The following POLK variants were observed in gnomAD, a reference collection of about 807,000 sequenced individuals.
POLK encodes the protein DNA polymerase kappa.
Under a neutral mutation model 94.0 loss-of-function variants are expected in POLK, and 76 were observed. The observed-to-expected ratio is 0.81, with a 90% confidence interval of 0.67 to 0.98. POLK has a LOEUF of 0.98. Ranked by LOEUF, POLK falls within the 50% of genes least tolerant of loss-of-function variation. POLK has a pLI of 0.00. For missense variants in POLK, 954 were observed against 1,010.1 expected (o/e 0.94, Z 0.75); for synonymous variants, 349 against 325.4 (o/e 1.07, Z -0.78).
intron 3 of POLK, among the ~76,000 whole-genome samples, chr5:75,557,443 T>G (rs1030911720): frequency 1.3e-5 from 2 of 152,142 alleles, no homozygotes; most frequent in Non-Finnish European, 2.9e-5. Flanking sequence ...GATAATAGAG[T>G]CTTCCTGTTC....
At chr5:75,511,229 G>C, upstream of POLK, 3 of 1,611,540 alleles carry the variant, frequency 1.9e-6, no homozygotes, top group South Asian at 3.3e-5. Context: ...AACCGAGCAG[G>C]AGACCGGCCC....
At chr5:75,558,700 G>A (rs1770775648) in intron 3 of POLK, among the ~76,000 whole-genome samples, 1 of 151,676 alleles carries the variant, frequency 6.6e-6, no homozygotes, top group African/African-American at 2.4e-5. Context: ...AATAAACTTA[G>A]GCATCATTTT....
chr5:75,552,382 C>A, intron 2 of POLK, 90 bp from the exon 3 acceptor site: 1 of 1,171,270 alleles, frequency 8.5e-7, no homozygotes, highest in Non-Finnish European at 1.2e-6. Flanking sequence ...CTTCTGTTTC[C>A]TGAGTATGTG....
chr5:75,604,858 A>T (rs527529777), downstream of POLK, among the ~76,000 whole-genome samples: 1 of 152,288 alleles, frequency 6.6e-6, no homozygotes, highest in East Asian at 1.9e-4. Flanking sequence ...TGTAATACAT[A>T]ACTGAATTAA....
At chr5:75,588,953 G>C (rs1772610351) in intron 10 of POLK, among the ~76,000 whole-genome samples, 1 of 152,218 alleles carries the variant, frequency 6.6e-6, no homozygotes, top group Non-Finnish European at 1.5e-5. Flanking sequence ...TAGGTTCACA[G>C]ATTCCAGGGA....
At chr5:75,548,728 G>A (rs1770183407) in intron 2 of POLK, among the ~76,000 whole-genome samples, 1 of 151,920 alleles carries the variant, frequency 6.6e-6, no homozygotes, top group South Asian at 2.1e-4. Context: ...GTGTGTGTGT[G>A]TATGTATGTG....
downstream of POLK, among the ~76,000 whole-genome samples, chr5:75,602,752 A>G (rs1773322894): frequency 6.6e-6 from 1 of 152,220 alleles, no homozygotes. Flanking sequence ...CCTCTCTTCA[A>G]TGTAATTCAA....
chr5:75,581,635 C>A, intron 7 of POLK, 187 bp downstream of exon 7: 1 of 577,742 alleles, frequency 1.7e-6, no homozygotes, highest in Non-Finnish European at 3.0e-6. Flanking sequence ...TGGAATTAAG[C>A]AGACTATGAG....
intron 3 of POLK, among the ~76,000 whole-genome samples, chr5:75,567,344 A>T (rs1771332907): frequency 6.6e-6 from 1 of 152,116 alleles, no homozygotes; most frequent in Non-Finnish European, 1.5e-5. Flanking sequence ...TGTTTTTGTT[A>T]ATCTCCATAA....
At chr5:75,597,912 T>C (rs767825273) in intron 14 of POLK, 22 bp from the exon 15 acceptor site, 4 of 1,303,644 alleles carry the variant, frequency 3.1e-6, no homozygotes, top group South Asian at 1.6e-5. Context: ...GCATTTTAAT[T>C]GTGTGTTCCT....
chr5:75,598,670 A>G (rs1773208248), exon 15 of POLK: 2 of 152,430 alleles, frequency 1.3e-5, no homozygotes, highest in Non-Finnish European at 1.5e-5. Flanking sequence ...TTTTATTTTA[A>G]TACAGGACTT....
At chr5:75,592,426 T>C (rs987172733) in intron 11 of POLK, among the ~76,000 whole-genome samples, 24 of 152,316 alleles carry the variant, frequency 1.6e-4, no homozygotes, top group African/African-American at 2.4e-4. Context: ...AAAAATTCAG[T>C]TGGGGGGCCA....
intron 3 of POLK, among the ~76,000 whole-genome samples, chr5:75,565,461 G>A (rs1771219173): frequency 6.6e-6 from 1 of 152,140 alleles, no homozygotes; most frequent in Non-Finnish European, 1.5e-5. Context: ...GAACAGAGGT[G>A]TTCTGTTATT....
At position 75,581,330 on chromosome 5, in the gene POLK, A is replaced by G. The variant is rs752005211; in HGVS notation, c.816A>G (p.Glu272=). 8 of 1,613,920 alleles carry G rather than the reference A, an allele frequency of 5.0e-6. No homozygotes were observed. The Admixed American group carries it at 5.0e-5, about 10-fold the overall frequency. Residue 272 remains glutamate, a synonymous_variant, in exon 7 of 15, where the codon GAA becomes GAG. Transcript: ENST00000241436. Reference sequence around the variant, plus strand: ...GAGATCCTTTCCAAGTGAACTTTGAAGAACAAAACAATCCTCAAATACTCC... The same window carrying G: ...GAGATCCTTTCCAAGTGAACTTTGAGGAACAAAACAATCCTCAAATACTCC...
At chr5:75,517,454 A>T (rs183881646) in intron 1 of POLK, among the ~76,000 whole-genome samples, 3 of 152,024 alleles carry the variant, frequency 2.0e-5, no homozygotes, top group African/African-American at 7.2e-5. Context: ...CAATCTAAAT[A>T]AAAAAAAGTC....
chr5:75,557,778 G>T (rs942076072), intron 3 of POLK, among the ~76,000 whole-genome samples: 1 of 152,010 alleles, frequency 6.6e-6, no homozygotes, highest in Non-Finnish European at 1.5e-5. Flanking sequence ...AATATAAATT[G>T]TAATGTGTTT....
At chr5:75,538,114 C>G (rs969374914) in intron 1 of POLK, among the ~76,000 whole-genome samples, 1 of 152,126 alleles carries the variant, frequency 6.6e-6, no homozygotes, top group Admixed American at 6.5e-5. Flanking sequence ...CCTCGGCCTC[C>G]CAAAGTGCTG....
upstream of POLK, chr5:75,511,620 C>A: frequency 6.8e-7 from 1 of 1,477,146 alleles, no homozygotes; most frequent in Non-Finnish European, 9.0e-7. Context: ...TCCTGCCTGG[C>A]CCACTATTTA....
At chr5:75,594,048 G>A (rs747004294) in exon 12 of POLK, 1 of 1,553,196 alleles carries the variant, frequency 6.4e-7, no homozygotes, top group Non-Finnish European at 8.7e-7. Flanking sequence ...TAAGGCTTAT[G>A]GGTATGACTT....
Sources: allele counts gnomAD v4.1 joint callset (sites outside exome capture counted in the v4.1 genomes callset), GRCh38; gene constraint gnomAD v4.1.1; transcripts MANE v1.5; gene names NCBI Gene and HGNC (gene_info 2026-07-23, HGNC 2026-07-21).